DCDC2: variants seen among roughly 807,000 people sequenced by gnomAD.
DCDC2 encodes the protein doublecortin domain-containing protein 2.
A neutral mutation model predicts 50.2 loss-of-function variants in DCDC2; 40 were observed. That is an observed-to-expected ratio of 0.80 (90% confidence interval 0.62 to 1.04). The LOEUF is 1.04. Ranked by LOEUF, DCDC2 falls within the 50% of genes least tolerant of loss-of-function variation. The probability of loss-of-function intolerance (pLI) is 0.00; values close to 1 mark genes in which losing one functional copy is unlikely to be tolerated. For synonymous variants in DCDC2, 234 were observed against 210.6 expected (o/e 1.11, Z -0.96); for missense variants, 570 against 581.9 (o/e 0.98, Z 0.21).
At position 24,268,285 on chromosome 6, in the gene DCDC2, G is replaced by A. The variant is rs150253651; in HGVS notation, c.922+9764C>T. Among the ~76,000 whole-genome samples the A allele has an allele frequency of 2.1e-3, 316 of 152,236 alleles. 1 individual carries two copies. The highest frequency in any genetic ancestry group is 6.4e-3 in the African/African-American group (265 of 41,548). On this transcript the variant is annotated intron_variant, in intron 7 of 9. Transcript: ENST00000378454. ...ATGGATCAGCTGAGATCAGAAGTTC[G>A]AGACCAGCCTAGCCAACATGGCGAA...
intron 7 of DCDC2, among the ~76,000 whole-genome samples, chr6:24,212,729 A>G (rs552286453): frequency 6.6e-6 from 1 of 152,364 alleles, no homozygotes; most frequent in East Asian, 1.9e-4. Flanking sequence ...CAGACATTTT[A>G]GTGTATATTA....
intron 2 of DCDC2, among the ~76,000 whole-genome samples, chr6:24,317,432 G>C (rs373605252): frequency 7.9e-5 from 12 of 152,098 alleles, no homozygotes; most frequent in East Asian, 7.7e-4. Context: ...CAGTGGGGTA[G>C]CCTAGGCATC....
At chr6:24,316,211 T>C (rs1296320798) in intron 2 of DCDC2, among the ~76,000 whole-genome samples, 1 of 152,018 alleles carries the variant, frequency 6.6e-6, no homozygotes, top group African/African-American at 2.4e-5. Flanking sequence ...GAGACACAGA[T>C]GTGGGAGTAA....
At chr6:24,367,095 C>A in the DCDC2 span, among the ~76,000 whole-genome samples, 1 of 152,168 alleles carries the variant, frequency 6.6e-6, no homozygotes, top group Admixed American at 6.5e-5. Flanking sequence ...CTTGGCCTCT[C>A]AAAGTGCTGG....
chr6:24,197,765 G>A (rs935120879), intron 8 of DCDC2, among the ~76,000 whole-genome samples: 3 of 152,108 alleles, frequency 2.0e-5, no homozygotes, highest in African/African-American at 7.2e-5. Context: ...TTTGTCAGAT[G>A]GTGAAATCTG....
intron 7 of DCDC2, chr6:24,205,441 C>A: frequency 9.2e-7 from 1 of 1,082,414 alleles, no homozygotes; most frequent in Non-Finnish European, 1.3e-6. Context: ...TTCTCCCCTC[C>A]TATTCACAAA....
At chr6:24,199,797 G>T (rs927078586) in intron 8 of DCDC2, among the ~76,000 whole-genome samples, 1 of 152,012 alleles carries the variant, frequency 6.6e-6, no homozygotes, top group African/African-American at 2.4e-5. Context: ...AACTAGAATA[G>T]CCAGTTTGGA....
At chr6:24,297,951 G>C (rs1208767932) in intron 4 of DCDC2, among the ~76,000 whole-genome samples, 1 of 152,188 alleles carries the variant, frequency 6.6e-6, no homozygotes, top group African/African-American at 2.4e-5. Context: ...ATGCAAACTG[G>C]AAGTGTACTT....
intron 7 of DCDC2, among the ~76,000 whole-genome samples, chr6:24,206,876 A>T (rs1761726166): frequency 6.6e-6 from 1 of 152,156 alleles, no homozygotes; most frequent in African/African-American, 2.4e-5. Flanking sequence ...TGGTTGCCTC[A>T]GGTGTGGAGG....
At chr6:24,177,740 G>A (rs988792581) in intron 9 of DCDC2, among the ~76,000 whole-genome samples, 4 of 152,088 alleles carry the variant, frequency 2.6e-5, no homozygotes, top group African/African-American at 9.7e-5. Context: ...TACTTTTTCT[G>A]TTCTCTTATT....
intron 7 of DCDC2, among the ~76,000 whole-genome samples, chr6:24,211,358 A>C (rs747832444): frequency 2.0e-5 from 3 of 152,202 alleles, no homozygotes; most frequent in Non-Finnish European, 4.4e-5. Context: ...ATTGAGGTAC[A>C]ACCTACAAAG....
chr6:24,327,828 AT>A (rs1359421821), intron 2 of DCDC2, among the ~76,000 whole-genome samples: 1 of 152,150 alleles, frequency 6.6e-6, no homozygotes, highest in African/African-American at 2.4e-5. Context: ...CAAAATGAAT[AT>A]TCTTTAAATA....
At chr6:24,282,537 C>G (rs1394791251) in intron 6 of DCDC2, among the ~76,000 whole-genome samples, 3 of 152,142 alleles carry the variant, frequency 2.0e-5, no homozygotes, top group Non-Finnish European at 2.9e-5. Flanking sequence ...GCCACCACAC[C>G]TGGCCAAGAT....
At chr6:24,224,843 C>T (rs61238833) in intron 7 of DCDC2, among the ~76,000 whole-genome samples, 11,182 of 152,130 alleles carry the variant, frequency 0.074, 689 homozygotes, top group African/African-American at 0.18. Flanking sequence ...AACTCCTCTA[C>T]GAATGCCCTG....
intron 8 of DCDC2, among the ~76,000 whole-genome samples, chr6:24,204,749 G>C (rs1761671787): frequency 6.6e-6 from 1 of 151,880 alleles, no homozygotes; most frequent in South Asian, 2.1e-4. Flanking sequence ...ATCCCATCTT[G>C]CTCTTCAATG....
intron 4 of DCDC2, 27 bp downstream of exon 4, chr6:24,301,688 T>C (rs1581640626): frequency 1.2e-6 from 2 of 1,609,458 alleles, no homozygotes; most frequent in South Asian, 2.2e-5. Context: ...CAAAAACTCC[T>C]CCACTTACAA....
chr6:24,291,030 C>T lies in DCDC2; in HGVS notation c.606G>A (p.Glu202=), dbSNP rs753883317. 1 of 1,614,062 alleles carries T rather than the reference C, an allele frequency of 6.2e-7. No homozygotes were observed. The highest frequency in any genetic ancestry group is 8.5e-7 in the Non-Finnish European group (1 of 1,179,964). The change falls in exon 5 of 10, where the codon GAG becomes GAA. Residue 202 remains glutamate, a synonymous_variant. Coordinates refer to ENST00000378454, the MANE Select transcript of DCDC2 (RefSeq NM_016356.5). ...GKLVESGAEL[E]NGQFYVAVGR... ...CAACAGCCACATAAAACTGCCCATTCTCCAACTCTGCTCCACTCTCAACAA... is the reference window on the plus strand; with the variant it reads ...CAACAGCCACATAAAACTGCCCATTTTCCAACTCTGCTCCACTCTCAACAA...
At chr6:24,331,241 G>A (rs1419831317) in intron 2 of DCDC2, among the ~76,000 whole-genome samples, 1 of 151,916 alleles carries the variant, frequency 6.6e-6, no homozygotes, top group Non-Finnish European at 1.5e-5. Flanking sequence ...TGCTTATACA[G>A]TGTTAATAAA....
chr6:24,292,308 T>G (rs1258679296), intron 4 of DCDC2, among the ~76,000 whole-genome samples: 1 of 151,714 alleles, frequency 6.6e-6, no homozygotes, highest in East Asian at 1.9e-4. Flanking sequence ...TGTCTTCCTA[T>G]ATTACATAAT....
Sources: allele counts gnomAD v4.1 joint callset (sites outside exome capture counted in the v4.1 genomes callset), GRCh38; gene constraint gnomAD v4.1.1; transcripts MANE v1.5; gene names NCBI Gene and HGNC (gene_info 2026-07-23, HGNC 2026-07-21).